The following CACNA2D3 variants were observed in gnomAD, a reference collection of about 807,000 sequenced individuals.
The protein encoded by CACNA2D3 is calcium voltage-gated channel auxiliary subunit alpha2delta 3.
A neutral mutation model predicts 160.6 loss-of-function variants in CACNA2D3; 60 were observed. The observed-to-expected ratio is 0.37, with a 90% CI of 0.30 to 0.46. CACNA2D3 has a LOEUF of 0.46. Among genes scored for constraint, CACNA2D3 ranks in the 20% least tolerant of loss-of-function variants. CACNA2D3 has a pLI of 1.00. For synonymous variants in CACNA2D3, 558 were observed against 492.9 expected (o/e 1.13, Z -1.75); for missense variants, 1,205 against 1,365.0 (o/e 0.88, Z 1.85).
intron 4 of CACNA2D3, among the ~76,000 whole-genome samples, chr3:54,499,112 T>G (rs1204497730): frequency 3.9e-5 from 6 of 152,230 alleles, no homozygotes. Context: ...TAGGTTAAGT[T>G]TGAAAGTAGT....
intron 27 of CACNA2D3, among the ~76,000 whole-genome samples, chr3:54,934,297 C>T (rs1330342683): frequency 6.6e-6 from 1 of 152,178 alleles, no homozygotes; most frequent in African/African-American, 2.4e-5. Context: ...TCTGGAAGCT[C>T]TGACTCAGGA....
At chr3:54,227,087 AT>A (rs1193643885) in intron 2 of CACNA2D3, among the ~76,000 whole-genome samples, 53 of 152,340 alleles carry the variant, frequency 3.5e-4, no homozygotes, top group African/African-American at 1.2e-3. Context: ...CGGCAGGGTC[AT>A]TGTGAAGATG....
chr3:54,454,175 A>G (rs1700357333), intron 4 of CACNA2D3, among the ~76,000 whole-genome samples: 1 of 152,216 alleles, frequency 6.6e-6, no homozygotes, highest in South Asian at 2.1e-4. Flanking sequence ...ACACTATTTC[A>G]TAAGATGTTT....
At chr3:54,379,958 C>T (rs892902541) in intron 3 of CACNA2D3, among the ~76,000 whole-genome samples, 5 of 152,142 alleles carry the variant, frequency 3.3e-5, no homozygotes, top group East Asian at 1.9e-4. Context: ...GGGAAATACT[C>T]GTCTAATTGC....
chr3:54,991,674 C>T (rs993503307), intron 31 of CACNA2D3, among the ~76,000 whole-genome samples: 5 of 152,066 alleles, frequency 3.3e-5, no homozygotes, highest in African/African-American at 4.8e-5. Context: ...AGGTTCCTGA[C>T]GGGGCCTTTG....
At chr3:54,717,455 C>T (rs1701071073) in intron 11 of CACNA2D3, among the ~76,000 whole-genome samples, 1 of 152,218 alleles carries the variant, frequency 6.6e-6, no homozygotes, top group Admixed American at 6.5e-5. Flanking sequence ...TCTTTGCCAA[C>T]GTTTGCAATC....
At chr3:54,194,916 A>G (rs1701051200) in intron 2 of CACNA2D3, among the ~76,000 whole-genome samples, 1 of 152,178 alleles carries the variant, frequency 6.6e-6, no homozygotes, top group Non-Finnish European at 1.5e-5. Context: ...CATTTAGACC[A>G]TAGTAGGGCC....
chr3:54,368,725 G>T (rs1332795003), intron 3 of CACNA2D3, among the ~76,000 whole-genome samples: 1 of 124,746 alleles, frequency 8.0e-6, no homozygotes, highest in East Asian at 2.5e-4. Flanking sequence ...TTTTTGAGGC[G>T]GAGTCTCACT....
chr3:54,182,047 T>C (rs527394661), intron 2 of CACNA2D3, among the ~76,000 whole-genome samples: 1 of 152,322 alleles, frequency 6.6e-6, no homozygotes, highest in African/African-American at 2.4e-5. Context: ...TAAATGTATT[T>C]ACAGGCAACA....
intron 31 of CACNA2D3, among the ~76,000 whole-genome samples, chr3:55,000,853 C>G (rs1446946948): frequency 6.6e-6 from 1 of 152,096 alleles, no homozygotes; most frequent in Non-Finnish European, 1.5e-5. Context: ...CAATAAGACC[C>G]TGGGCTGGGG....
chr3:54,177,922 A>T (rs896786312), intron 2 of CACNA2D3: 4 of 152,162 alleles, frequency 2.6e-5, no homozygotes, highest in African/African-American at 9.7e-5. Flanking sequence ...TTTAAGAAGG[A>T]TTACCTTATT....
chr3:54,698,484 G>A (rs1336874933), intron 11 of CACNA2D3, among the ~76,000 whole-genome samples: 1 of 152,176 alleles, frequency 6.6e-6, no homozygotes, highest in Non-Finnish European at 1.5e-5. Flanking sequence ...CATAAGGCGT[G>A]TTTAATATTC....
chr3:54,537,119 GA>G (rs1701902304), intron 5 of CACNA2D3, among the ~76,000 whole-genome samples: 1 of 152,050 alleles, frequency 6.6e-6, no homozygotes, highest in Non-Finnish European at 1.5e-5. Context: ...GAGAGAGAGA[GA>G]GATGGAAGAA....
intron 32 of CACNA2D3, among the ~76,000 whole-genome samples, chr3:55,005,622 G>A (rs989198788): frequency 7.9e-5 from 12 of 152,108 alleles, no homozygotes; most frequent in African/African-American, 2.7e-4. Context: ...TGTCACAGAC[G>A]AGGATCAATC....
rs145188055 is a variant in CACNA2D3 at position 54,616,312 on chromosome 3, C to CTTCAG, written c.964-11471_964-11467dup. Among the ~76,000 whole-genome samples the CTTCAG allele has an allele frequency of 5.2e-3, 787 of 152,282 alleles. 8 individuals carry two copies. The highest frequency in any genetic ancestry group is 0.018 in the African/African-American group (749 of 41,550). On this transcript the variant is annotated intron_variant, in intron 9 of 37. Coordinates refer to ENST00000474759, the MANE Select transcript of CACNA2D3 (RefSeq NM_018398.3). ...AATTCATATGGCTCTTGGAAAGAGA[C>CTTCAG]TTCAGTTCCCTGACAGCTGTTGGTT...
chr3:54,470,530 T>A (rs1421936666), intron 4 of CACNA2D3, among the ~76,000 whole-genome samples: 1 of 152,194 alleles, frequency 6.6e-6, no homozygotes, highest in Non-Finnish European at 1.5e-5. Flanking sequence ...CATCAATTAA[T>A]GGGTAAAATA....
At position 54,885,157 on chromosome 3, in the gene CACNA2D3, C is replaced by T. The variant is rs898351267; in HGVS notation, c.1913-124C>T. 7 of 840,868 alleles carry T rather than the reference C, an allele frequency of 8.3e-6. No homozygotes were observed. In the African/African-American group the frequency reaches 8.5e-5, roughly 10 times the overall value. The allele number at this position is 840,868 out of a possible 1,614,324, so 52.1% of individuals were successfully genotyped here. On this transcript the variant is annotated intron_variant, in intron 21 of 37. Transcript: ENST00000474759. ...AGAAAATAAACCTGCTGCTCCAAGG[C>T]AGGTCCCTTAGGGTTGATGTCTACC...
chr3:54,691,192 C>T (rs558649227), intron 11 of CACNA2D3, among the ~76,000 whole-genome samples: 11 of 152,248 alleles, frequency 7.2e-5, no homozygotes, highest in African/African-American at 1.7e-4. Flanking sequence ...TGAAAGAAAA[C>T]GAAGCTACGC....
intron 2 of CACNA2D3, among the ~76,000 whole-genome samples, chr3:54,275,561 AT>A (rs1259584743): frequency 6.6e-6 from 1 of 152,238 alleles, no homozygotes; most frequent in African/African-American, 2.4e-5. Context: ...CAAAATAGTG[AT>A]GAGAATGAAT....
Sources: allele counts gnomAD v4.1 joint callset (sites outside exome capture counted in the v4.1 genomes callset), GRCh38; gene constraint gnomAD v4.1.1; transcripts MANE v1.5; gene names NCBI Gene and HGNC (gene_info 2026-07-23, HGNC 2026-07-21).